SCUBE3: variants seen among roughly 807,000 people sequenced by gnomAD.
The protein encoded by SCUBE3 is signal peptide, CUB and EGF-like domain-containing protein 3.
Under a neutral mutation model 116.8 loss-of-function variants are expected in SCUBE3, and 33 were observed. The ratio of observed to expected loss-of-function variants is 0.28; its 90% confidence interval spans 0.21 to 0.38. The LOEUF (loss-of-function observed/expected upper bound fraction) is 0.38. Ranked by LOEUF, SCUBE3 falls within the 10% of genes least tolerant of loss-of-function variation. SCUBE3 has a pLI of 1.00. For synonymous variants in SCUBE3, 418 were observed against 496.9 expected (o/e 0.84, Z 2.11); for missense variants, 1,007 against 1,324.8 (o/e 0.76, Z 3.72).
chr6:35,222,542 A>G (rs1291788908), intron 1 of SCUBE3: 1 of 152,274 alleles, frequency 6.6e-6, no homozygotes, highest in Non-Finnish European at 1.5e-5. Context: ...AGGGCGAGGC[A>G]GGGAGGTCTT....
At chr6:35,230,120 A>C (rs1321378428) in intron 3 of SCUBE3, among the ~76,000 whole-genome samples, 1 of 151,918 alleles carries the variant, frequency 6.6e-6, no homozygotes, top group Non-Finnish European at 1.5e-5. Context: ...AGCCCTGGTC[A>C]CCTCTCCTAC....
intron 1 of SCUBE3, among the ~76,000 whole-genome samples, chr6:35,220,205 GTAGT>G (rs986068662): frequency 3.9e-5 from 6 of 152,172 alleles, no homozygotes; most frequent in Non-Finnish European, 7.4e-5. Flanking sequence ...AACACAGTGG[GTAGT>G]TAGAGAGCAC....
chr6:35,234,878 C>T (rs969234859), intron 6 of SCUBE3, among the ~76,000 whole-genome samples: 5 of 152,126 alleles, frequency 3.3e-5, no homozygotes, highest in Non-Finnish European at 4.4e-5. Context: ...CCAAATGAGG[C>T]AGAAAAGGCC....
rs112970344 is a variant in SCUBE3 at position 35,245,369 on chromosome 6, A to G, written c.2543A>G (p.Glu848Gly). 8 of 1,614,150 alleles carry G rather than the reference A, an allele frequency of 5.0e-6. No individual in the cohort carries two copies. The highest frequency in any genetic ancestry group is 6.8e-6 in the Non-Finnish European group (8 of 1,180,026). Residue 848 changes from glutamate to glycine, a missense_variant, in exon 19 of 22, where the codon GAG becomes GGG. By Grantham distance (98) the Glu-to-Gly change is moderately conservative (BLOSUM62 -2). Coordinates refer to ENST00000274938, the MANE Select transcript of SCUBE3 (RefSeq NM_152753.4). This position sits in a 1 kb window ranked among gnomAD's most constrained non-coding sequence, Gnocchi z 4.2. ...PKRKILIVVPEIFLPSEDECG... is the reference protein window; with the variant it reads ...PKRKILIVVPGIFLPSEDECG... The stretch of plus-strand genomic sequence containing the variant: ...CGCAAGATCCTTATCGTGGTACCAG[A>G]GATCTTCCTGCCATCTGAGGATGAG...
In SCUBE3 at chr6:35,241,029, G is replaced by A; in HGVS notation, c.1070-112G>A. 1.0e-6 allele frequency: 1 copy of A among 993,986 alleles called. No individual in the cohort carries two copies. Among genetic ancestry groups the A allele is most frequent in the Non-Finnish European group, 1.5e-6 (1 of 665,246 alleles). 61.6% of individuals were successfully genotyped at this position (993,986 alleles called of 1,614,324 possible). A position where few individuals can be genotyped will look rare whatever the true frequency, so the allele number is the denominator to read the frequency against. On this transcript the variant is annotated intron_variant, in intron 9 of 21. Coordinates refer to ENST00000274938, the MANE Select transcript of SCUBE3 (RefSeq NM_152753.4). The surrounding 1 kb of genome is among the most constrained non-coding windows in gnomAD (Gnocchi z 4.1). ...TAGATCTCTCGAACTTATTCATCTT[G>A]CGTAATGCAGGGTACCTGAAACTCT...
Position 35,214,071 on chromosome 6 carries a change from G to A in SCUBE3, c.-348G>A, listed in dbSNP as rs916194620. On this transcript the variant is annotated 5_prime_UTR_variant, in exon 1 of 22. Transcript: ENST00000274938. This position sits in a 1 kb window ranked among gnomAD's most constrained non-coding sequence, Gnocchi z 6.3. ...CGCTCTCCGGCTGCAGCTCTCTCCC[G>A]GCGAAGCTGGGAATTGGGTGGGATT... Among the ~76,000 whole-genome samples, 9 of 152,290 alleles carry A rather than the reference G, an allele frequency of 5.9e-5. No homozygotes were observed. Among genetic ancestry groups the A allele is most frequent in the Admixed American group, 2.0e-4 (3 of 15,308 alleles).
At position 35,228,435 on chromosome 6, in the gene SCUBE3, GA is replaced by G. The variant is rs1783411323; in HGVS notation, c.209-176del. Among the ~76,000 whole-genome samples the G allele has an allele frequency of 6.6e-6, 1 of 152,206 alleles. No individual in the cohort carries two copies. The highest frequency in any genetic ancestry group is 2.4e-5 in the African/African-American group (1 of 41,454). ...CTGCAACCATGTACAATGGTAATTA[GA>G]AAGACTGGATGGAGACCTGAAAATG... On this transcript the variant is annotated intron_variant, in intron 2 of 21. Coordinates refer to ENST00000274938, the MANE Select transcript of SCUBE3 (RefSeq NM_152753.4). This position sits in a 1 kb window ranked among gnomAD's most constrained non-coding sequence, Gnocchi z 4.9.
In SCUBE3 at chr6:35,233,285, C is replaced by T. The variant is rs143491169; in HGVS notation, c.696C>T (p.Asp232=). 5.0e-5 allele frequency: 81 copies of T among 1,604,038 alleles called. No individual in the cohort carries two copies. In the East Asian group the frequency reaches 6.9e-4, roughly 14 times the overall value. ...GCHIKFVLHT[D]GKTCIETCAV... ...ATATCAAGTTTGTGCTCCATACCGA[C>T]GGGAAGACATGCATCGGTGGGTGAG... The change falls in exon 6 of 22, where the codon GAC becomes GAT. Residue 232 remains aspartate, a synonymous_variant. Coordinates refer to ENST00000274938, the MANE Select transcript of SCUBE3 (RefSeq NM_152753.4). This position sits in a 1 kb window ranked among gnomAD's most constrained non-coding sequence, Gnocchi z 5.7.
Position 35,246,948 on chromosome 6 carries a change from C to T in SCUBE3, c.2832+663C>T, listed in dbSNP as rs192602895. On this transcript the variant is annotated intron_variant, in intron 21 of 21. Transcript: ENST00000274938. ...GAGCCGAGATGGCGCCATCGCACTC[C>T]AGCCTGGGTGACAAGAGTGAACCCT... 2.3e-3 allele frequency among the ~76,000 whole-genome samples: 353 copies of T among 152,138 alleles called. 3 individuals carry two copies. The highest frequency in any genetic ancestry group is 8.0e-3 in the African/African-American group (332 of 41,506).
In SCUBE3 at chr6:35,232,022, C is replaced by A. The variant is rs979471024; in HGVS notation, c.469+163C>A. Among the ~76,000 whole-genome samples, 4 of 152,202 alleles carry A rather than the reference C, an allele frequency of 2.6e-5. No homozygotes were observed. The highest frequency in any genetic ancestry group is 4.4e-5 in the Non-Finnish European group (3 of 68,032). On this transcript the variant is annotated intron_variant, in intron 4 of 21. Transcript: ENST00000274938. This position sits in a 1 kb window ranked among gnomAD's most constrained non-coding sequence, Gnocchi z 4.2. The stretch of plus-strand genomic sequence containing the variant: ...ACACCCTAAAGGATCTAGGAACAGA[C>A]ACCCTGTTAGGGCAAAATCTGGGGA...
At position 35,250,890 on chromosome 6, in the gene SCUBE3, T is replaced by C. The variant is rs943324788; in HGVS notation, c.*2185T>C. ...CAGCCAAAACGGCCATAGCAGTAGG[T>C]AGCCAATGACACAGCTAGATTCCCT... On this transcript the variant is annotated 3_prime_UTR_variant, in exon 22 of 22. Coordinates refer to ENST00000274938, the MANE Select transcript of SCUBE3 (RefSeq NM_152753.4). 2 of 152,082 alleles carry C rather than the reference T, an allele frequency of 1.3e-5. No individual in the cohort carries two copies. The highest frequency in any genetic ancestry group is 2.9e-5 in the Non-Finnish European group (2 of 68,038). 9.4% of individuals were successfully genotyped at this position (152,082 alleles called of 1,614,324 possible).
chr6:35,233,886 ACCC>A lies in SCUBE3; in HGVS notation c.712+589_712+591del, dbSNP rs1029447296. On this transcript the variant is annotated intron_variant, in intron 6 of 21. Coordinates refer to ENST00000274938, the MANE Select transcript of SCUBE3 (RefSeq NM_152753.4). The surrounding 1 kb of genome is among the most constrained non-coding windows in gnomAD (Gnocchi z 5.7). ...CTCCCCTTTCTACTCACCTCACCTTACCCCCCATTTCCTTCTCTCTCCTCCAGA... is the reference window on the plus strand; with the variant it reads ...CTCCCCTTTCTACTCACCTCACCTTACCCATTTCCTTCTCTCTCCTCCAGA... Among the ~76,000 whole-genome samples the A allele has an allele frequency of 6.7e-6, 1 of 148,426 alleles. No individual in the cohort carries two copies. The highest frequency in any genetic ancestry group is 1.5e-5 in the Non-Finnish European group (1 of 67,126).
At position 35,228,001 on chromosome 6, in the gene SCUBE3, C is replaced by A. The variant is rs1354709093; in HGVS notation, c.208+299C>A. On this transcript the variant is annotated intron_variant, in intron 2 of 21. Coordinates refer to ENST00000274938, the MANE Select transcript of SCUBE3 (RefSeq NM_152753.4). The surrounding 1 kb of genome is among the most constrained non-coding windows in gnomAD (Gnocchi z 4.9). ...GACCTGAGGTTCCCTGACATTGGAA[C>A]CTTTATCTTTAGACCCTTACACCAC... Among the ~76,000 whole-genome samples the A allele has an allele frequency of 6.6e-6, 1 of 152,162 alleles. No individual in the cohort carries two copies. Among genetic ancestry groups the A allele is most frequent in the Non-Finnish European group, 1.5e-5 (1 of 68,024 alleles).
Position 35,242,306 on chromosome 6 carries a change from G to C in SCUBE3, c.1520G>C (p.Arg507Thr). The change falls in exon 13 of 22, where the codon AGA becomes ACA. Residue 507 changes from arginine (R) to threonine (T), a missense_variant. Transcript: ENST00000274938. ...RNKGKTEEAG[R>T]ITGPGGAPCS... ...AAAGGCAAAACAGAGGAGGCTGGCA[G>C]AATCACAGGGCCAGGTTTGGACTGG... 6.2e-7 allele frequency: 1 copy of C among 1,611,816 alleles called. No homozygotes were observed. Among genetic ancestry groups the C allele is most frequent in the African/African-American group, 1.3e-5 (1 of 74,976 alleles).
At position 35,243,795 on chromosome 6, in the gene SCUBE3, G is replaced by A; in HGVS notation, c.2071+40G>A. 6.3e-7 allele frequency: 1 copy of A among 1,596,262 alleles called. No homozygotes were observed. The highest frequency in any genetic ancestry group is 8.6e-7 in the Non-Finnish European group (1 of 1,166,056). Reference sequence around the variant, plus strand: ...AACAATACAGAGTGGGGTAGGGTGGGCACTGGGATGCCCATGGGCATGGGA... The same window carrying A: ...AACAATACAGAGTGGGGTAGGGTGGACACTGGGATGCCCATGGGCATGGGA... On this transcript the variant is annotated intron_variant, in intron 16 of 21. Transcript: ENST00000274938. This position sits in a 1 kb window ranked among gnomAD's most constrained non-coding sequence, Gnocchi z 6.6.
rs1460322435 is a variant in SCUBE3, at chr6:35,241,888, C to T, written c.1395C>T (p.Ser465=). ...CCCGAGCTGGCCACAATGGGAACAG[C>T]ACCAACTCCAACCACTGCCATGGTA... is the stretch of plus-strand genomic sequence containing the variant. ...APARAGHNGN[S]TNSNHCHEAA... The change falls in exon 12 of 22, where the codon AGC becomes AGT. Residue 465 remains serine, a synonymous_variant. Coordinates refer to ENST00000274938, the MANE Select transcript of SCUBE3 (RefSeq NM_152753.4). The surrounding 1 kb of genome is among the most constrained non-coding windows in gnomAD (Gnocchi z 4.1). 1.2e-6 allele frequency: 2 copies of T among 1,609,690 alleles called. No homozygotes were observed. Among genetic ancestry groups the T allele is most frequent in the Non-Finnish European group, 8.5e-7 (1 of 1,179,136 alleles).
chr6:35,233,077 A>G lies in SCUBE3; in HGVS notation c.595+102A>G. 6.6e-7 allele frequency: 1 copy of G among 1,525,394 alleles called. No homozygotes were observed. The highest frequency in any genetic ancestry group is 9.0e-7 in the Non-Finnish European group (1 of 1,107,538). The allele number at this position is 1,525,394 out of a possible 1,614,324, so 94.5% of individuals were successfully genotyped here. A position where few individuals can be genotyped will look rare whatever the true frequency, so the allele number is the denominator to read the frequency against. ...GCAAGAGGACAGGGCTGGGAGGAAA[A>G]GGGAGTATGGGGGAGGCAACTAGGC... On this transcript the variant is annotated intron_variant, in intron 5 of 21. Coordinates refer to ENST00000274938, the MANE Select transcript of SCUBE3 (RefSeq NM_152753.4). The surrounding 1 kb of genome is among the most constrained non-coding windows in gnomAD (Gnocchi z 5.7).
rs1465636836 is a variant in SCUBE3, at chr6:35,243,830, G to C, written c.2071+75G>C. On this transcript the variant is annotated intron_variant, in intron 16 of 21. Coordinates refer to ENST00000274938, the MANE Select transcript of SCUBE3 (RefSeq NM_152753.4). The surrounding 1 kb of genome is among the most constrained non-coding windows in gnomAD (Gnocchi z 6.6). ...GCCCATGGGCATGGGATTTCCCAAA[G>C]GGCAGGCCCAGGCTCCAGGCCACTC... 7 of 1,559,262 alleles carry C rather than the reference G, an allele frequency of 4.5e-6. No individual in the cohort carries two copies. The highest frequency in any genetic ancestry group is 6.1e-6 in the Non-Finnish European group (7 of 1,138,456).
chr6:35,214,426 CG>C lies in SCUBE3; in HGVS notation c.12del (p.Arg5AlafsTer126). ...CCGCCAGTAGCTCCAGCCATGGGCT[CG>C]GGGCGCGTACCCGGGCTCTGCCTGC... MG[S>X]GRVPGLCLLV... On this transcript the variant is annotated frameshift_variant, in exon 1 of 22. Transcript: ENST00000274938. LOFTEE classifies it high-confidence loss of function. This position sits in a 1 kb window ranked among gnomAD's most constrained non-coding sequence, Gnocchi z 6.3. The C allele has an allele frequency of 6.8e-7, 1 of 1,469,766 alleles. No homozygotes were observed. 91.0% of individuals were successfully genotyped at this position (1,469,766 alleles called of 1,614,324 possible).
Sources: allele counts gnomAD v4.1 joint callset (sites outside exome capture counted in the v4.1 genomes callset), GRCh38; gene constraint gnomAD v4.1.1; non-coding constraint Gnocchi (gnomAD v3.1); transcripts MANE v1.5; gene names NCBI Gene and HGNC (gene_info 2026-07-23, HGNC 2026-07-21).